The following GPATCH8 variants were observed in gnomAD, a reference collection of about 807,000 sequenced individuals.
GPATCH8 encodes the protein G patch domain-containing protein 8.
In GPATCH8, 18 loss-of-function variants were observed where a neutral mutation model predicts 118.3. That is an observed-to-expected ratio of 0.15 (90% confidence interval 0.11 to 0.23). GPATCH8 has a LOEUF of 0.23. Ranked by LOEUF, GPATCH8 falls within the 10% of genes least tolerant of loss-of-function variation. GPATCH8 has a pLI of 1.00. For synonymous variants in GPATCH8, 659 were observed against 684.7 expected (o/e 0.96, Z 0.59); for missense variants, 1,631 against 1,873.8 (o/e 0.87, Z 2.39).
intron 4 of GPATCH8, among the ~76,000 whole-genome samples, chr17:44,435,380 AC>A (rs1332773322): frequency 6.9e-5 from 10 of 145,984 alleles, no homozygotes; most frequent in Non-Finnish European, 9.1e-5. Flanking sequence ...AGTAGACTTC[AC>A]TTCAATGTTA....
intron 3 of GPATCH8, among the ~76,000 whole-genome samples, chr17:44,439,602 G>C (rs1015057345): frequency 3.3e-5 from 5 of 152,008 alleles, no homozygotes; most frequent in Non-Finnish European, 7.3e-5. Flanking sequence ...CATACAGGAA[G>C]AGGCTGCAGC....
intron 7 of GPATCH8, among the ~76,000 whole-genome samples, chr17:44,405,117 CTATA>C (rs1776053206): frequency 6.6e-6 from 1 of 151,672 alleles, no homozygotes. Flanking sequence ...GATCTGATCG[CTATA>C]TATTATATGT....
intron 1 of GPATCH8, among the ~76,000 whole-genome samples, chr17:44,496,041 G>A (rs1385617228): frequency 6.6e-6 from 1 of 152,012 alleles, no homozygotes; most frequent in East Asian, 1.9e-4. Flanking sequence ...CTAATTTTTT[G>A]TATTTTTAGT....
At chr17:44,423,973 T>A (rs2050002650) in intron 6 of GPATCH8, among the ~76,000 whole-genome samples, 1 of 152,102 alleles carries the variant, frequency 6.6e-6, no homozygotes, top group African/African-American at 2.4e-5. Flanking sequence ...GTAGGGAACT[T>A]GAAAATAACA....
At chr17:44,409,257 C>A (rs1349747671) in intron 6 of GPATCH8, 1 of 152,250 alleles carries the variant, frequency 6.6e-6, no homozygotes, top group Non-Finnish European at 1.5e-5. Context: ...GACACCCAAT[C>A]AGCATAGCGC....
At chr17:44,482,661 CA>C (rs1248110167) in intron 1 of GPATCH8, among the ~76,000 whole-genome samples, 1 of 150,144 alleles carries the variant, frequency 6.7e-6, no homozygotes, top group Non-Finnish European at 1.5e-5. Flanking sequence ...ACCTATGCAA[CA>C]AACCTGCATG....
At chr17:44,490,307 T>C (rs2144466911) in intron 1 of GPATCH8, among the ~76,000 whole-genome samples, 1 of 151,740 alleles carries the variant, frequency 6.6e-6, no homozygotes, top group South Asian at 2.1e-4. Flanking sequence ...GACCTTGTCT[T>C]AGAAAAAAAC....
chr17:44,433,466 T>C (rs1390029683), intron 5 of GPATCH8, among the ~76,000 whole-genome samples: 1 of 152,158 alleles, frequency 6.6e-6, no homozygotes, highest in Non-Finnish European at 1.5e-5. Flanking sequence ...GAATATAAAT[T>C]AGTGAATAAA....
At chr17:44,503,151 A>G (rs1472526069) in intron 1 of GPATCH8, among the ~76,000 whole-genome samples, 175 bp downstream of exon 1, 1 of 152,096 alleles carries the variant, frequency 6.6e-6, no homozygotes, top group Non-Finnish European at 1.5e-5. Flanking sequence ...GGGTGCGAGG[A>G]GATGCGGCCT....
intron 1 of GPATCH8, among the ~76,000 whole-genome samples, chr17:44,490,212 T>C (rs1969135051): frequency 6.6e-6 from 1 of 151,870 alleles, no homozygotes; most frequent in African/African-American, 2.4e-5. Context: ...AGAGCCTGAG[T>C]GGGGAGGATC....
At chr17:44,424,520 C>G (rs1243257511) in intron 5 of GPATCH8, 28 bp from the exon 6 acceptor site, 4 of 1,560,938 alleles carry the variant, frequency 2.6e-6, no homozygotes, top group East Asian at 4.5e-5. Flanking sequence ...TACAAAGAAA[C>G]AAAAAATGAA....
At chr17:44,416,052 G>C (rs906387489) in intron 6 of GPATCH8, among the ~76,000 whole-genome samples, 1 of 152,228 alleles carries the variant, frequency 6.6e-6, no homozygotes, top group African/African-American at 2.4e-5. Context: ...GCCCAGGCTG[G>C]AGTGTAGCGG....
intron 6 of GPATCH8, among the ~76,000 whole-genome samples, chr17:44,419,400 C>G (rs1277739063): frequency 6.6e-6 from 1 of 152,180 alleles, no homozygotes; most frequent in Non-Finnish European, 1.5e-5. Flanking sequence ...TCATGTCCAT[C>G]AAAGAGGAAT....
At chr17:44,420,329 T>G (rs2049851008) in intron 6 of GPATCH8, among the ~76,000 whole-genome samples, 1 of 152,234 alleles carries the variant, frequency 6.6e-6, no homozygotes, top group Admixed American at 6.5e-5. Context: ...ATAATTTGTT[T>G]GTACTAAGGT....
intron 3 of GPATCH8, among the ~76,000 whole-genome samples, chr17:44,446,838 A>AT (rs139025311): frequency 0.068 from 10,259 of 150,628 alleles, 501 homozygotes; most frequent in Non-Finnish European, 0.11. Context: ...CATTTCATCT[A>AT]TTTTTTTTTC....
chr17:44,437,945 G>GA (rs752307910), intron 3 of GPATCH8, among the ~76,000 whole-genome samples: 5,465 of 63,352 alleles, frequency 0.086, 357 homozygotes, highest in African/African-American at 0.23. Context: ...TCTCATGTCA[G>GA]AAAAAAAAAA....
chr17:44,450,521 A>C (rs1039792566), intron 3 of GPATCH8, among the ~76,000 whole-genome samples: 2 of 152,134 alleles, frequency 1.3e-5, no homozygotes, highest in Non-Finnish European at 2.9e-5. Context: ...ATTTCTATCT[A>C]CTGGTTTGGG....
At chr17:44,488,746 G>C (rs1157888254) in intron 1 of GPATCH8, among the ~76,000 whole-genome samples, 1 of 151,760 alleles carries the variant, frequency 6.6e-6, no homozygotes, top group African/African-American at 2.4e-5. Flanking sequence ...AAATTCTCTT[G>C]TACTATTTTT....
At chr17:44,428,138 C>T (rs2050155841) in intron 5 of GPATCH8, among the ~76,000 whole-genome samples, 4 of 151,642 alleles carry the variant, frequency 2.6e-5, no homozygotes, top group Admixed American at 2.6e-4. Context: ...AAAAAATTAG[C>T]TAGGCGTGGT....
Sources: allele counts gnomAD v4.1 joint callset (sites outside exome capture counted in the v4.1 genomes callset), GRCh38; gene constraint gnomAD v4.1.1; transcripts MANE v1.5; gene names NCBI Gene and HGNC (gene_info 2026-07-23, HGNC 2026-07-21).